Variants in TAFA2 observed in about 807,000 individuals in gnomAD.
The protein encoded by TAFA2 is TAFA chemokine like family member 2.
In TAFA2, 7 loss-of-function variants were observed where a neutral mutation model predicts 18.8. That is an observed-to-expected ratio of 0.37 (90% CI 0.21 to 0.70). The LOEUF (loss-of-function observed/expected upper bound fraction) is 0.70, where lower values mean the gene tolerates loss of function less well. TAFA2 is among the 30% of genes least tolerant of loss of function. The pLI, the probability that TAFA2 is intolerant of heterozygous loss-of-function variation, is 0.53. For missense variants in TAFA2, 122 were observed against 158.1 expected, an observed-to-expected ratio of 0.77 and a Z score of 1.23; for synonymous variants, 60 against 54.2, an observed-to-expected ratio of 1.11 and a Z score of -0.47.
At chr12:62,177,511 C>A (rs2062521896) in intron 1 of TAFA2, among the ~76,000 whole-genome samples, 5 of 152,212 alleles carry the variant, frequency 3.3e-5, no homozygotes, top group Admixed American at 2.6e-4. Context: ...AGATCTCAAC[C>A]ATTCAGAGGA....
intron 1 of TAFA2, among the ~76,000 whole-genome samples, chr12:62,211,096 G>A (rs1263503350): frequency 1.3e-5 from 2 of 152,188 alleles, no homozygotes; most frequent in African/African-American, 2.4e-5. Flanking sequence ...ACTGTCATCT[G>A]AGTGGATTTA....
At chr12:62,231,899 T>C (rs1284481296) in intron 1 of TAFA2, among the ~76,000 whole-genome samples, 2 of 152,170 alleles carry the variant, frequency 1.3e-5, no homozygotes, top group African/African-American at 2.4e-5. Flanking sequence ...TAATTTTATT[T>C]TTTACAGAGA....
intron 1 of TAFA2, among the ~76,000 whole-genome samples, chr12:62,024,561 T>G (rs1232739287): frequency 1.3e-5 from 2 of 152,120 alleles, no homozygotes; most frequent in Non-Finnish European, 2.9e-5. Flanking sequence ...GGGAAAGAAT[T>G]TGTGACTAAG....
At chr12:61,828,545 A>G (rs1293108791) in intron 2 of TAFA2, among the ~76,000 whole-genome samples, 4 of 151,832 alleles carry the variant, frequency 2.6e-5, no homozygotes. Context: ...AAATGGGAGA[A>G]TGTATAGTAG....
intron 1 of TAFA2, among the ~76,000 whole-genome samples, chr12:62,050,096 C>G (rs1348428898): frequency 1.3e-5 from 2 of 152,034 alleles, no homozygotes; most frequent in Non-Finnish European, 2.9e-5. Flanking sequence ...GTTATCTATC[C>G]CCTGTACCTG....
intron 1 of TAFA2, among the ~76,000 whole-genome samples, chr12:61,999,540 T>C (rs1377722049): frequency 1.3e-5 from 2 of 152,174 alleles, no homozygotes; most frequent in South Asian, 2.1e-4. Flanking sequence ...ACAAATCAAC[T>C]GGTGACTGAA....
intron 1 of TAFA2, among the ~76,000 whole-genome samples, chr12:62,117,784 A>G (rs949059497): frequency 6.6e-6 from 1 of 152,200 alleles, no homozygotes; most frequent in Non-Finnish European, 1.5e-5. Context: ...ATATAAAAAT[A>G]GCAACAAAAT....
chr12:61,794,277 A>T (rs1871103182), intron 2 of TAFA2, among the ~76,000 whole-genome samples: 1 of 152,078 alleles, frequency 6.6e-6, no homozygotes, highest in East Asian at 1.9e-4. Flanking sequence ...TGCTGACAGC[A>T]TGATCACCTA....
intron 4 of TAFA2, among the ~76,000 whole-genome samples, chr12:61,724,794 T>C (rs1173477792): frequency 7.8e-6 from 1 of 128,862 alleles, no homozygotes; most frequent in Non-Finnish European, 1.6e-5. Flanking sequence ...TGTGTGTGTG[T>C]GTGTGTGTAT....
At chr12:61,928,773 C>T (rs1337024779) in intron 1 of TAFA2, among the ~76,000 whole-genome samples, 1 of 152,070 alleles carries the variant, frequency 6.6e-6, no homozygotes, top group Non-Finnish European at 1.5e-5. Flanking sequence ...CCCAAATGGC[C>T]ATCAATGATA....
chr12:62,213,123 A>C (rs1382609887), intron 1 of TAFA2, among the ~76,000 whole-genome samples: 1 of 152,212 alleles, frequency 6.6e-6, no homozygotes, highest in African/African-American at 2.4e-5. Flanking sequence ...GATTTACACC[A>C]GGCAGCTGCT....
In TAFA2 at chr12:61,785,501, A is replaced by G. The variant is rs1464869224; in HGVS notation, c.107-30477T>C. On this transcript the variant is annotated intron_variant, in intron 2 of 4. Coordinates refer to ENST00000416284, the MANE Select transcript of TAFA2 (RefSeq NM_178539.5). Reference sequence around the variant, plus strand: ...ATTGAACATGATATCACATTGTACTAGAGGGTAGTTTTTCCATGGAAGCAA... The same window carrying G: ...ATTGAACATGATATCACATTGTACTGGAGGGTAGTTTTTCCATGGAAGCAA... Among the ~76,000 whole-genome samples the G allele has an allele frequency of 2.0e-5, 3 of 151,584 alleles. No homozygotes were observed. In the Admixed American group the frequency reaches 2.0e-4, roughly 10 times the overall value.
chr12:62,016,359 A>G (rs1279522507), intron 1 of TAFA2, among the ~76,000 whole-genome samples: 8 of 152,212 alleles, frequency 5.3e-5, no homozygotes, highest in Non-Finnish European at 1.0e-4. Context: ...TGTGAGACTC[A>G]GTAATTATTT....
At chr12:62,048,207 G>A (rs1881959199) in intron 1 of TAFA2, among the ~76,000 whole-genome samples, 1 of 152,142 alleles carries the variant, frequency 6.6e-6, no homozygotes, top group African/African-American at 2.4e-5. Context: ...TTGACTTACA[G>A]TTCAGCATGG....
intron 1 of TAFA2, among the ~76,000 whole-genome samples, chr12:61,917,609 G>A (rs779338383): frequency 1.4e-4 from 21 of 152,214 alleles, no homozygotes; most frequent in African/African-American, 2.2e-4. Flanking sequence ...CTTGGCAGGC[G>A]GATATTGAAG....
chr12:62,231,681 G>T (rs1035163627), intron 1 of TAFA2, among the ~76,000 whole-genome samples: 1 of 151,932 alleles, frequency 6.6e-6, no homozygotes, highest in Non-Finnish European at 1.5e-5. Flanking sequence ...GATTGAAAAA[G>T]TTCAATGAAT....
chr12:61,838,592 G>T (rs1873036230), intron 2 of TAFA2, among the ~76,000 whole-genome samples: 1 of 151,968 alleles, frequency 6.6e-6, no homozygotes, highest in Non-Finnish European at 1.5e-5. Flanking sequence ...CAGGATTTGG[G>T]ATTTAGCCTA....
intron 2 of TAFA2, among the ~76,000 whole-genome samples, chr12:61,779,862 T>C (rs965741782): frequency 6.6e-6 from 1 of 151,776 alleles, no homozygotes; most frequent in Admixed American, 6.6e-5. Flanking sequence ...GGTGTCTTCT[T>C]ACTGGATCTG....
intron 4 of TAFA2, among the ~76,000 whole-genome samples, chr12:61,749,543 T>C (rs895093747): frequency 6.6e-6 from 1 of 152,156 alleles, no homozygotes; most frequent in African/African-American, 2.4e-5. Context: ...AGGAAATTCT[T>C]AATATATTTT....
Sources: gnomAD v4.1 joint callset for allele counts (sites outside exome capture counted in the v4.1 genomes callset) on GRCh38, gnomAD v4.1.1 for gene constraint, MANE v1.5 for transcripts, NCBI Gene and HGNC (gene_info 2026-07-23, HGNC 2026-07-21) for gene names.